Variants in KLHL13 observed in about 807,000 individuals in gnomAD.
The protein encoded by KLHL13 is kelch-like protein 13.
A neutral mutation model predicts 37.1 loss-of-function variants in KLHL13; 10 were observed. The observed-to-expected ratio is 0.27, with a 90% CI of 0.17 to 0.46. The LOEUF is 0.46. KLHL13 is among the 20% of genes least tolerant of loss of function. The pLI, the probability that KLHL13 is intolerant of heterozygous loss-of-function variation, is 1.00. For synonymous variants in KLHL13, 163 were observed against 181.2 expected (o/e 0.90, Z 0.81); for missense variants, 360 against 509.3 (o/e 0.71, Z 2.82).
intron 1 of KLHL13, among the ~76,000 whole-genome samples, chrX:118,034,998 T>C (rs1189287210): frequency 5.4e-5 from 5 of 93,080 alleles, no homozygotes; most frequent in Non-Finnish European, 8.0e-5. Context: ...CTAGAAGAAA[T>C]GGATAAATTC....
intron 1 of KLHL13, among the ~76,000 whole-genome samples, chrX:117,955,602 C>CA (rs1569425413): frequency 2.7e-5 from 3 of 111,194 alleles, no homozygotes; most frequent in African/African-American, 6.5e-5. Flanking sequence ...GAGAATAATA[C>CA]AAAAAAAGAA....
At chrX:118,021,642 A>T (rs773980724) in intron 1 of KLHL13, among the ~76,000 whole-genome samples, 15 of 110,227 alleles carry the variant, frequency 1.4e-4, no homozygotes, top group African/African-American at 4.1e-4. Context: ...TCTATCATTG[A>T]TGGGCATTTG....
At chrX:117,997,777 C>G (rs2053871613) in intron 1 of KLHL13, among the ~76,000 whole-genome samples, 3 of 111,718 alleles carry the variant, frequency 2.7e-5, no homozygotes, top group African/African-American at 9.8e-5. Context: ...CCAGCACATT[C>G]AGTCTTGTCT....
intron 1 of KLHL13, among the ~76,000 whole-genome samples, chrX:118,058,716 T>G (rs1019761159): frequency 2.7e-5 from 3 of 112,018 alleles, no homozygotes; most frequent in Non-Finnish European, 5.6e-5. Context: ...AAAATGTCAC[T>G]AAAACAATCT....
chrX:117,950,129 T>C (rs1397175750), intron 1 of KLHL13, among the ~76,000 whole-genome samples: 1 of 112,619 alleles, frequency 8.9e-6, no homozygotes, highest in Non-Finnish European at 1.9e-5. Context: ...AAAGGTTAAA[T>C]CTAACAATAT....
intron 1 of KLHL13, chrX:117,972,726 C>A (rs2053544567): frequency 8.4e-7 from 1 of 1,192,542 alleles, no homozygotes; most frequent in Non-Finnish European, 1.1e-6. Flanking sequence ...TTTTCTCTCA[C>A]TTACATGTAT....
intron 1 of KLHL13, among the ~76,000 whole-genome samples, chrX:117,962,842 T>C (rs1602600019): frequency 8.9e-6 from 1 of 112,266 alleles, no homozygotes; most frequent in Non-Finnish European, 1.9e-5. Context: ...TAATTTGATG[T>C]GTAACATTAA....
intron 1 of KLHL13, among the ~76,000 whole-genome samples, chrX:117,996,711 G>A (rs974731627): frequency 7.3e-5 from 8 of 109,279 alleles, no homozygotes; most frequent in Non-Finnish European, 1.1e-4. Flanking sequence ...CCTAATCAGC[G>A]TTAAAATAAG....
At chrX:118,107,448 C>T (rs2055358138) in intron 1 of KLHL13, among the ~76,000 whole-genome samples, 1 of 111,728 alleles carries the variant, frequency 9.0e-6, no homozygotes, top group South Asian at 3.7e-4. Context: ...CACAATTTCC[C>T]CTCACATTTC....
Position 117,989,136 on chromosome X carries a change from G to A in KLHL13, c.-55-43561C>T, listed in dbSNP as rs188053875. ...TTTTTCTATCCAGATACTCCACAAA[G>A]TATTTTACTTGCTTTAAATGTCAGT... On this transcript the variant is annotated intron_variant, in intron 1 of 6. Coordinates refer to the KLHL13 transcript ENST00000371882. 1.9e-3 allele frequency among the ~76,000 whole-genome samples: 216 copies of A among 111,817 alleles called. 1 individual carries two copies. The highest frequency in any genetic ancestry group is 6.4e-3 in the Admixed American group (67 of 10,517).
chrX:118,051,986 G>A (rs375209732), intron 1 of KLHL13, among the ~76,000 whole-genome samples: 5 of 111,432 alleles, frequency 4.5e-5, no homozygotes, highest in African/African-American at 1.6e-4. Context: ...CTATTACAGT[G>A]TGGTACTAGT....
chrX:117,947,109 T>C (rs1035774754), intron 1 of KLHL13: 1 of 111,941 alleles, frequency 8.9e-6, no homozygotes, highest in African/African-American at 3.2e-5. Context: ...TTAAAGAGAA[T>C]TAAGTTATAT....
chrX:118,103,454 T>C (rs182277984), intron 1 of KLHL13, among the ~76,000 whole-genome samples: 5 of 111,384 alleles, frequency 4.5e-5, no homozygotes, highest in African/African-American at 9.8e-5. Context: ...ACAACCCAAG[T>C]AGATAATAGG....
At chrX:117,947,075 TCCA>T (rs1933358851) in intron 1 of KLHL13, 1 of 112,073 alleles carries the variant, frequency 8.9e-6, no homozygotes, top group Non-Finnish European at 1.9e-5. Context: ...GATATAGCCT[TCCA>T]CCAGAGTTTC....
At chrX:117,956,755 G>T (rs2053211667) in intron 1 of KLHL13, among the ~76,000 whole-genome samples, 1 of 111,596 alleles carries the variant, frequency 9.0e-6, no homozygotes, top group Non-Finnish European at 1.9e-5. Flanking sequence ...GAGTAGCAGG[G>T]AGTCAAGGTG....
At chrX:117,970,416 A>T (rs725716) in intron 1 of KLHL13, among the ~76,000 whole-genome samples, 6,604 of 111,433 alleles carry the variant, frequency 0.059, 477 homozygotes, top group African/African-American at 0.2. Flanking sequence ...AGGAGTCAGA[A>T]TTGAACAATT....
chrX:118,032,570 C>A (rs1387322708), intron 1 of KLHL13, among the ~76,000 whole-genome samples: 1 of 111,916 alleles, frequency 8.9e-6, no homozygotes, highest in Non-Finnish European at 1.9e-5. Flanking sequence ...GAAAGGACAT[C>A]CACACCACAG....
chrX:117,930,314 C>CAGGAAGGCAGGA (rs1366989895), intron 2 of KLHL13, among the ~76,000 whole-genome samples: 1 of 102,425 alleles, frequency 9.8e-6, no homozygotes, highest in African/African-American at 3.7e-5. Flanking sequence ...GGCAGGCAGG[C>CAGGAAGGCAGGA]AGGCAGGAAG....
intron 1 of KLHL13, among the ~76,000 whole-genome samples, chrX:118,033,842 A>G (rs1267669189): frequency 9.2e-6 from 1 of 108,261 alleles, no homozygotes; most frequent in African/African-American, 3.4e-5. Context: ...TATTCAGGAA[A>G]CCCATCTCAC....
Sources: allele counts gnomAD v4.1 joint callset (sites outside exome capture counted in the v4.1 genomes callset), GRCh38; gene constraint gnomAD v4.1.1; transcripts MANE v1.5; gene names NCBI Gene and HGNC (gene_info 2026-07-23, HGNC 2026-07-21).